Variants in RNASE11 observed in about 807,000 individuals in gnomAD.
RNASE11 encodes the protein ribonuclease A family member 11 (inactive).
For missense variants in RNASE11, 252 were observed against 237.8 expected (o/e 1.06, Z -0.39); for synonymous variants, 105 against 86.1 (o/e 1.22, Z -1.21).
upstream of RNASE11, among the ~76,000 whole-genome samples, chr14:20,589,868 C>T (rs1475133131): frequency 2.0e-5 from 3 of 152,074 alleles, no homozygotes; most frequent in African/African-American, 7.2e-5. Flanking sequence ...GCCTGGATAA[C>T]AAGAGCAAAA....
chr14:20,587,745 G>T, upstream of RNASE11: 1 of 985,400 alleles, frequency 1.0e-6, no homozygotes, highest in Non-Finnish European at 1.2e-6. Context: ...CTACTCACAA[G>T]GTTGCAAACT....
downstream of RNASE11, chr14:20,583,467 T>G: frequency 1.1e-5 from 2 of 179,766 alleles, no homozygotes; most frequent in South Asian, 1.3e-4. Context: ...GATAATAATA[T>G]ATGTCACACT....
chr14:20,589,292 C>T (rs1884508423), upstream of RNASE11, among the ~76,000 whole-genome samples: 3 of 148,166 alleles, frequency 2.0e-5, no homozygotes, highest in Admixed American at 6.7e-5. Flanking sequence ...TCTCACTCTG[C>T]CGCCCCGGCT....
At chr14:20,585,904 G>T (rs1884424842) in intron 1 of RNASE11, among the ~76,000 whole-genome samples, 1 of 152,168 alleles carries the variant, frequency 6.6e-6, no homozygotes. Context: ...TCTTTAGAAT[G>T]ATTCTATTTT....
chr14:20,584,361 G>A, exon 2 of RNASE11: 3 of 1,614,148 alleles, frequency 1.9e-6, no homozygotes, highest in Non-Finnish European at 2.5e-6. Context: ...TTTTTGCCAT[G>A]TCATATTGCA....
At chr14:20,590,256 T>G, upstream of RNASE11, 1 of 1,607,978 alleles carries the variant, frequency 6.2e-7, no homozygotes, top group Admixed American at 1.7e-5. Flanking sequence ...AGAAGAGATC[T>G]CAGACTCGGG....
Position 20,587,617 on chromosome 14 carries a change from C to T in RNASE11, c.-77G>A. 3 of 985,236 alleles carry T rather than the reference C, an allele frequency of 3.0e-6. No homozygotes were observed. The highest frequency in any genetic ancestry group is 9.4e-5 in the South Asian group (2 of 21,268). The allele number at this position is 985,236 out of a possible 1,614,324, so 61.0% of individuals were successfully genotyped here. On this transcript the variant is annotated 5_prime_UTR_variant, in exon 1 of 2. It adds an upstream start codon to the 5' untranslated region. Coordinates refer to ENST00000553849, the Ensembl canonical transcript of RNASE11. ...TGAGGGCTCTGTTTACCTGGTGACACCCAAAATTCTATGGAGACAACAATG... is the reference window on the plus strand; with the variant it reads ...TGAGGGCTCTGTTTACCTGGTGACATCCAAAATTCTATGGAGACAACAATG...
At chr14:20,587,617 C>A (rs1325632661) in exon 1 of RNASE11, 11 of 985,118 alleles carry the variant, frequency 1.1e-5, no homozygotes, top group Non-Finnish European at 1.3e-5. Flanking sequence ...CCTGGTGACA[C>A]CCAAAATTCT....
chr14:20,587,648 A>G, exon 1 of RNASE11: 1 of 985,432 alleles, frequency 1.0e-6, no homozygotes, highest in Non-Finnish European at 1.2e-6. Flanking sequence ...CAATGACAAC[A>G]GAATTACCAC....
chr14:20,590,163 T>C (rs45440293), upstream of RNASE11: 182,976 of 1,495,790 alleles, frequency 0.12, 11,818 homozygotes, highest in Non-Finnish European at 0.13. Flanking sequence ...TAATTACCAG[T>C]GGCTTCCCCT....
upstream of RNASE11, among the ~76,000 whole-genome samples, chr14:20,589,299 G>A (rs1427618306): frequency 2.0e-5 from 3 of 147,462 alleles, no homozygotes; most frequent in South Asian, 2.2e-4. Flanking sequence ...CTGCCGCCCC[G>A]GCTGGAGTGC....
chr14:20,584,100 T>C (rs1429539), exon 2 of RNASE11: 579,641 of 1,613,812 alleles, frequency 0.36, 107,411 homozygotes, highest in African/African-American at 0.52. Context: ...GCATCACTTC[T>C]GTGGAGCTGC....
upstream of RNASE11, chr14:20,588,427 T>A (rs1474889186): frequency 6.6e-6 from 1 of 152,244 alleles, no homozygotes; most frequent in East Asian, 1.9e-4. Flanking sequence ...TCCTCTCTGT[T>A]CCTTCTGGAG....
In RNASE11 at chr14:20,584,057, C is replaced by A. The variant is rs375334814; in HGVS notation, c.418G>T (p.Val140Leu). 478 of 1,614,090 alleles carry A rather than the reference C, an allele frequency of 3.0e-4. No individual in the cohort carries two copies. The highest frequency in any genetic ancestry group is 3.9e-4 in the Non-Finnish European group (464 of 1,180,040). ...CAGCAGCTTATGCCAGGATTCTGTACAAACTTGCAGCTGGGGGCCCTGTGG... is the reference window on the plus strand; with the variant it reads ...CAGCAGCTTATGCCAGGATTCTGTAAAAACTTGCAGCTGGGGGCCCTGTGG... Residue 140 changes from valine to leucine, a missense_variant, in exon 2 of 2, where the codon GTA becomes TTA. Coordinates refer to ENST00000553849, the Ensembl canonical transcript of RNASE11.
intron 1 of RNASE11, among the ~76,000 whole-genome samples, chr14:20,586,673 T>C (rs1478167938): frequency 6.6e-6 from 1 of 152,236 alleles, no homozygotes; most frequent in Non-Finnish European, 1.5e-5. Flanking sequence ...TAAACTTCTA[T>C]ATCCTATACC....
chr14:20,586,560 G>C (rs1232551487), intron 1 of RNASE11, among the ~76,000 whole-genome samples: 1 of 152,226 alleles, frequency 6.6e-6, no homozygotes, highest in Non-Finnish European at 1.5e-5. Context: ...TAAGAATTAA[G>C]TATATGTGTC....
chr14:20,584,642 G>A, intron 1 of RNASE11, 146 bp from the exon 3 acceptor site: 3 of 584,892 alleles, frequency 5.1e-6, no homozygotes, highest in Non-Finnish European at 8.4e-6. Flanking sequence ...ATAATAGAAA[G>A]ACAATCAGCT....
exon 2 of RNASE11, chr14:20,584,247 C>A (rs1449820980): frequency 6.2e-7 from 1 of 1,614,170 alleles, no homozygotes; most frequent in Non-Finnish European, 8.5e-7. Context: ...TTCTGAATGT[C>A]AGTAATGTGG....
upstream of RNASE11, chr14:20,590,095 A>G: frequency 8.6e-7 from 1 of 1,168,098 alleles, no homozygotes; most frequent in Non-Finnish European, 1.2e-6. Context: ...TTCAGTAAAG[A>G]TTATTTTATT....
Sources: gnomAD v4.1 joint callset for allele counts (sites outside exome capture counted in the v4.1 genomes callset) on GRCh38, gnomAD v4.1.1 for gene constraint, MANE v1.5 for transcripts, NCBI Gene and HGNC (gene_info 2026-07-23, HGNC 2026-07-21) for gene names.